The following OSBP2 variants were observed in gnomAD, a reference collection of about 807,000 sequenced individuals.
OSBP2 encodes oxysterol-binding protein 2.
OSBP2 carries 66 observed loss-of-function variants against 96.0 expected under a neutral mutation model. The observed-to-expected ratio is 0.69, with a 90% CI of 0.56 to 0.84. The LOEUF is 0.84. Ranked by LOEUF, OSBP2 falls within the 40% of genes least tolerant of loss-of-function variation. OSBP2 has a pLI of 0.00. For missense variants in OSBP2, 1,038 were observed against 1,222.7 expected (o/e 0.85, Z 2.25); for synonymous variants, 525 against 520.9 (o/e 1.01, Z -0.11).
At chr22:30,837,261 C>CAAAA (rs34674333) in intron 2 of OSBP2, among the ~76,000 whole-genome samples, 95 of 110,814 alleles carry the variant, frequency 8.6e-4, no homozygotes, top group African/African-American at 2.9e-3. Flanking sequence ...GACTCTGTCT[C>CAAAA]AAAAAAAAAA....
At chr22:30,845,298 G>A (rs1040582954) in intron 2 of OSBP2, among the ~76,000 whole-genome samples, 10 of 152,178 alleles carry the variant, frequency 6.6e-5, no homozygotes, top group African/African-American at 2.4e-4. Context: ...AGGCGTGGTG[G>A]TAGGTGCCTG....
At chr22:30,714,264 AT>A (rs1425600912) in intron 1 of OSBP2, among the ~76,000 whole-genome samples, 1 of 152,182 alleles carries the variant, frequency 6.6e-6, no homozygotes, top group African/African-American at 2.4e-5. Context: ...GCTGAATAGT[AT>A]TCCATTGTGT....
Position 30,871,783 on chromosome 22 carries a change from G to A in OSBP2, c.1107+1101G>A, listed in dbSNP as rs961065393. ...AAGATAGAGGCTGGAGCTCACCGCAGGCCAAGAGCCCAGGCTAAAACCTGG... is the reference window on the plus strand; with the variant it reads ...AAGATAGAGGCTGGAGCTCACCGCAAGCCAAGAGCCCAGGCTAAAACCTGG... On this transcript the variant is annotated intron_variant, in intron 3 of 13. Transcript: ENST00000332585. This position sits in a 1 kb window ranked among gnomAD's most constrained non-coding sequence, Gnocchi z 4.7. 6.6e-5 allele frequency among the ~76,000 whole-genome samples: 10 copies of A among 152,228 alleles called. No individual in the cohort carries two copies. Among genetic ancestry groups the A allele is most frequent in the Non-Finnish European group, 2.9e-5 (2 of 68,038 alleles).
At chr22:30,867,270 C>T (rs2039359411) in intron 2 of OSBP2, among the ~76,000 whole-genome samples, 1 of 152,210 alleles carries the variant, frequency 6.6e-6, no homozygotes, top group South Asian at 2.1e-4. Flanking sequence ...CACATGCTCC[C>T]TTTTGCCAGA....
rs1281215835 is a variant in OSBP2, at chr22:30,907,608, G to A, written c.*1269G>A. Reference sequence around the variant, plus strand: ...TCACAGGGTCTTTCTTTCTACTCCAGGACTGGTTTTGTTTTTATATATATA... The same window carrying A: ...TCACAGGGTCTTTCTTTCTACTCCAAGACTGGTTTTGTTTTTATATATATA... On this transcript the variant is annotated 3_prime_UTR_variant, in exon 14 of 14. Coordinates refer to ENST00000332585, the MANE Select transcript of OSBP2 (RefSeq NM_030758.4). The A allele has an allele frequency of 1.3e-5, 2 of 152,114 alleles. No homozygotes were observed. Among genetic ancestry groups the A allele is most frequent in the Non-Finnish European group, 2.9e-5 (2 of 67,980 alleles). 9.4% of individuals were successfully genotyped at this position (152,114 alleles called of 1,614,324 possible).
chr22:30,735,034 CA>C (rs756996904), intron 1 of OSBP2, among the ~76,000 whole-genome samples: 1 of 151,030 alleles, frequency 6.6e-6, no homozygotes, highest in Non-Finnish European at 1.5e-5. Flanking sequence ...CTACCAAAAA[CA>C]AAAAAAAATT....
At position 30,881,599 on chromosome 22, in the gene OSBP2, C is replaced by T; in HGVS notation, c.1108-5827C>T. ...GGTCAGCCAGGCCCTCCCTGGGCCC[C>T]TGGGAACCTCCCCCTGCCAGTCCCT... On this transcript the variant is annotated intron_variant, in intron 3 of 13. Transcript: ENST00000332585. The surrounding 1 kb of genome is among the most constrained non-coding windows in gnomAD (Gnocchi z 4.5). The T allele has an allele frequency of 7.9e-7, 1 of 1,260,406 alleles. No individual in the cohort carries two copies. Among genetic ancestry groups the T allele is most frequent in the Admixed American group, 2.4e-5 (1 of 41,688 alleles). The allele number at this position is 1,260,406 out of a possible 1,614,324, so 78.1% of individuals were successfully genotyped here.
At chr22:30,904,866 T>C (rs2040293760) in intron 12 of OSBP2, among the ~76,000 whole-genome samples, 2 of 152,132 alleles carry the variant, frequency 1.3e-5, no homozygotes, top group African/African-American at 4.8e-5. Flanking sequence ...CTGGGCACAG[T>C]AGCTGATGCC....
At chr22:30,714,270 T>C (rs1438740245) in intron 1 of OSBP2, among the ~76,000 whole-genome samples, 3 of 152,222 alleles carry the variant, frequency 2.0e-5, no homozygotes, top group African/African-American at 7.2e-5. Flanking sequence ...TAGTATTCCA[T>C]TGTGTATATA....
intron 2 of OSBP2, among the ~76,000 whole-genome samples, chr22:30,850,570 G>T (rs1353225579): frequency 6.6e-6 from 1 of 151,784 alleles, no homozygotes; most frequent in Non-Finnish European, 1.5e-5. Context: ...TGTGATCTCC[G>T]CTCACTGCAA....
intron 6 of OSBP2, 28 bp downstream of exon 6, chr22:30,889,262 C>T: frequency 1.2e-6 from 2 of 1,603,318 alleles, no homozygotes; most frequent in Non-Finnish European, 1.7e-6. Flanking sequence ...CTGTAAGGGC[C>T]AGAAGGCAGC....
intron 1 of OSBP2, among the ~76,000 whole-genome samples, chr22:30,730,827 A>C (rs1470712632): frequency 2.5e-5 from 2 of 79,796 alleles, no homozygotes; most frequent in African/African-American, 4.9e-5. Flanking sequence ...TTTTTTTCCC[A>C]TGGACATTTT....
Position 30,904,917 on chromosome 22 carries a change from A to G in OSBP2, c.2376-920A>G, listed in dbSNP as rs550181414. On this transcript the variant is annotated intron_variant, in intron 12 of 13. Transcript: ENST00000332585. ...CTGGAAGGCCAAGATAGGCAGACCAATTGAGGTCAGGGGTTCAATACCAGC... is the reference window on the plus strand; with the variant it reads ...CTGGAAGGCCAAGATAGGCAGACCAGTTGAGGTCAGGGGTTCAATACCAGC... Among the ~76,000 whole-genome samples the G allele has an allele frequency of 2.1e-3, 316 of 152,222 alleles. 3 individuals are homozygous for G. The highest frequency in any genetic ancestry group is 7.2e-3 in the African/African-American group (301 of 41,560).
At chr22:30,749,208 T>C (rs570391400) in intron 2 of OSBP2, among the ~76,000 whole-genome samples, 1 of 152,326 alleles carries the variant, frequency 6.6e-6, no homozygotes, top group African/African-American at 2.4e-5. Flanking sequence ...TTTCCTATTG[T>C]TGCTAATTCT....
intron 12 of OSBP2, among the ~76,000 whole-genome samples, chr22:30,902,951 G>A (rs950781161): frequency 2.6e-5 from 4 of 152,104 alleles, no homozygotes; most frequent in African/African-American, 7.2e-5. Flanking sequence ...GTGGTTTTTA[G>A]TACATTCTGG....
chr22:30,765,234 G>A (rs2090255990), intron 2 of OSBP2, among the ~76,000 whole-genome samples: 1 of 151,776 alleles, frequency 6.6e-6, no homozygotes, highest in Non-Finnish European at 1.5e-5. Context: ...TTTTGAAATG[G>A]AGTCTTGCTC....
chr22:30,694,167 A>G (rs1048929398), upstream of OSBP2: 3 of 1,550,248 alleles, frequency 1.9e-6, no homozygotes, highest in African/African-American at 2.7e-5. Flanking sequence ...TTCTTGTACT[A>G]AAACGCTTGG....
At chr22:30,864,214 C>T (rs976608907) in intron 2 of OSBP2, among the ~76,000 whole-genome samples, 2 of 152,102 alleles carry the variant, frequency 1.3e-5, no homozygotes, top group Non-Finnish European at 2.9e-5. Context: ...TCAGGTGATC[C>T]GCCCACCGCA....
At chr22:30,851,628 G>T (rs1569150190) in intron 2 of OSBP2, among the ~76,000 whole-genome samples, 1 of 151,984 alleles carries the variant, frequency 6.6e-6, no homozygotes, top group Non-Finnish European at 1.5e-5. Context: ...ATGTAATGTT[G>T]AGTAGAAGTG....
Sources: gnomAD v4.1 joint callset for allele counts (sites outside exome capture counted in the v4.1 genomes callset) on GRCh38, gnomAD v4.1.1 for gene constraint, Gnocchi (gnomAD v3.1) non-coding constraint, MANE v1.5 for transcripts, NCBI Gene and HGNC (gene_info 2026-07-23, HGNC 2026-07-21) for gene names.